ARHGEF1: variants seen among roughly 807,000 people sequenced by gnomAD.
The protein encoded by ARHGEF1 is 115 kDa guanine nucleotide exchange factor.
In ARHGEF1, 40 loss-of-function variants were observed where a neutral mutation model predicts 119.7. The observed-to-expected ratio is 0.33, with a 90% confidence interval of 0.26 to 0.44. The LOEUF (loss-of-function observed/expected upper bound fraction) is 0.44. Among genes scored for constraint, ARHGEF1 ranks in the 20% least tolerant of loss-of-function variants. ARHGEF1 has a pLI of 1.00. For missense variants in ARHGEF1, 976 were observed against 1,268.3 expected (o/e 0.77, Z 3.50); for synonymous variants, 494 against 521.0 (o/e 0.95, Z 0.71).
Position 41,892,952 on chromosome 19 carries a change from G to T in ARHGEF1, c.614+103G>T. The stretch of plus-strand genomic sequence containing the variant: ...CCCGTTTGCAGGTTCCCTCTTCAGG[G>T]TCAGAGTTCATTTCTTGGCACTGGG... On this transcript the variant is annotated intron_variant, in intron 7 of 28. Transcript: ENST00000354532. The surrounding 1 kb of genome is among the most constrained non-coding windows in gnomAD (Gnocchi z 6.3). 2.1e-6 allele frequency: 3 copies of T among 1,413,882 alleles called. No individual in the cohort carries two copies. The highest frequency in any genetic ancestry group is 2.8e-6 in the Non-Finnish European group (3 of 1,082,164). The allele number at this position is 1,413,882 out of a possible 1,614,324, so 87.6% of individuals were successfully genotyped here. A position where few individuals can be genotyped will look rare whatever the true frequency, so the allele number is the denominator to read the frequency against.
intron 14 of ARHGEF1, 23 bp downstream of exon 14, chr19:41,898,610 C>T (rs1555848482): frequency 1.3e-6 from 2 of 1,577,396 alleles, no homozygotes; most frequent in South Asian, 1.2e-5. Flanking sequence ...CCCATCACCC[C>T]ACTGTGGCCA....
Position 41,896,814 on chromosome 19 carries a change from CTCTCTCACCTCCCCCA to C in ARHGEF1, c.1121+335_1121+350del, listed in dbSNP as rs2074501673. On this transcript the variant is annotated intron_variant, in intron 13 of 28. Transcript: ENST00000354532. ...CCCCTCCTCTCTCACCTCCCCTCTC[CTCTCTCACCTCCCCCA>C]TCCTCTCTCACCTCCCCCCTCCTCT... 28 of 384,296 alleles carry C rather than the reference CTCTCTCACCTCCCCCA, an allele frequency of 7.3e-5. No individual in the cohort carries two copies. In the African/African-American group the frequency reaches 1.4e-3, roughly 20 times the overall value. The allele number at this position is 384,296 out of a possible 1,614,324, so 23.8% of individuals were successfully genotyped here. A position where few individuals can be genotyped will look rare whatever the true frequency, so the allele number is the denominator to read the frequency against.
chr19:41,907,390 C>T lies in ARHGEF1; in HGVS notation c.*303C>T. The stretch of plus-strand genomic sequence containing the variant: ...CCCCTCCACCCCCACCCCCAAGTGC[C>T]TTCGCTCTGTTTTTATACCCTGAAT... On this transcript the variant is annotated 3_prime_UTR_variant, in exon 29 of 29. Transcript: ENST00000354532. 3 of 1,535,262 alleles carry T rather than the reference C, an allele frequency of 2.0e-6. No homozygotes were observed. The highest frequency in any genetic ancestry group is 2.6e-6 in the Non-Finnish European group (3 of 1,146,612).
intron 9 of ARHGEF1, 63 bp downstream of exon 9, chr19:41,894,369 A>T (rs1479589860): frequency 7.9e-6 from 12 of 1,515,614 alleles, no homozygotes; most frequent in Non-Finnish European, 1.1e-5. Context: ...GAGCCTCATG[A>T]CTCTGGATAC....
rs2074620101 is a variant in ARHGEF1 at position 41,902,451 on chromosome 19, TG to T, written c.1498-79del. On this transcript the variant is annotated intron_variant, in intron 16 of 28. Coordinates refer to ENST00000354532, the MANE Select transcript of ARHGEF1 (RefSeq NM_004706.4). This position sits in a 1 kb window ranked among gnomAD's most constrained non-coding sequence, Gnocchi z 6.5. ...CCCACCCTACTCCAGTCCCAGGGTCTGGGCTTCCAGCCTGTCGTACTTTAGT... is the reference window on the plus strand; with the variant it reads ...CCCACCCTACTCCAGTCCCAGGGTCTGGCTTCCAGCCTGTCGTACTTTAGT... The T allele has an allele frequency of 1.2e-6, 2 of 1,611,408 alleles. No homozygotes were observed. Among genetic ancestry groups the T allele is most frequent in the Non-Finnish European group, 1.7e-6 (2 of 1,178,796 alleles).
chr19:41,927,948 G>A (rs373900357), intron 1 of ARHGEF1: 5 of 151,502 alleles, frequency 3.3e-5, no homozygotes, highest in African/African-American at 1.2e-4. Flanking sequence ...CAGCTTCTCA[G>A]GCCTCCCGGG....
rs202003051 is a variant in ARHGEF1 at position 41,892,324 on chromosome 19, T to C, written c.325-7T>C. 1.9e-6 allele frequency: 3 copies of C among 1,613,880 alleles called. No individual in the cohort carries two copies. Among genetic ancestry groups the C allele is most frequent in the Non-Finnish European group, 2.5e-6 (3 of 1,180,016 alleles). On this transcript the variant is annotated splice_polypyrimidine_tract_variant and splice_region_variant and intron_variant, in intron 5 of 28. Transcript: ENST00000354532. The surrounding 1 kb of genome is among the most constrained non-coding windows in gnomAD (Gnocchi z 6.3). ...CTCCTCTTCACCCCATTCTCTCTCT[T>C]GAGCAGGTTCTCCGGGTGCCGGTCC...
At chr19:41,885,543 C>T (rs1241143481) in intron 1 of ARHGEF1, among the ~76,000 whole-genome samples, 2 of 152,172 alleles carry the variant, frequency 1.3e-5, no homozygotes, top group African/African-American at 4.8e-5. Context: ...CTCACTGCAA[C>T]CTCCGCCTCC....
rs201485366 is a variant in ARHGEF1 at position 41,902,462 on chromosome 19, C to T, written c.1498-71C>T. On this transcript the variant is annotated intron_variant, in intron 16 of 28. Transcript: ENST00000354532. This position sits in a 1 kb window ranked among gnomAD's most constrained non-coding sequence, Gnocchi z 6.5. ...CCAGTCCCAGGGTCTGGGCTTCCAG[C>T]CTGTCGTACTTTAGTCCCTGTTCTT... 17 of 1,611,234 alleles carry T rather than the reference C, an allele frequency of 1.1e-5. No individual in the cohort carries two copies. The highest frequency in any genetic ancestry group is 1.4e-5 in the Non-Finnish European group (16 of 1,178,932).
In ARHGEF1 at chr19:41,906,003, C is replaced by A. The variant is rs782131330; in HGVS notation, c.2469C>A (p.Leu823=). 2 of 1,613,920 alleles carry A rather than the reference C, an allele frequency of 1.2e-6. No homozygotes were observed. Among genetic ancestry groups the A allele is most frequent in the Non-Finnish European group, 1.7e-6 (2 of 1,180,012 alleles). ...GCAGACCAGGCCCCGAGGGCCAGCT[C>A]GCTGCCACGGCCCTTCGGAAAGGTA... ...PFCRPGPEGQ[L]AATALRKVLS... The change falls in exon 26 of 29, where the codon CTC becomes CTA. Residue 823 remains leucine, a synonymous_variant. Coordinates refer to ENST00000354532, the MANE Select transcript of ARHGEF1 (RefSeq NM_004706.4). This position sits in a 1 kb window ranked among gnomAD's most constrained non-coding sequence, Gnocchi z 4.5.
chr19:41,893,057 C>A, intron 7 of ARHGEF1: 1 of 1,039,414 alleles, frequency 9.6e-7, no homozygotes, highest in Non-Finnish European at 1.4e-6. Context: ...CTTGTCATTT[C>A]TGGGTCTTGT....
chr19:41,883,290 G>C lies in ARHGEF1; in HGVS notation c.-20+1G>C, dbSNP rs1555844704. On this transcript the variant is annotated splice_donor_variant, in intron 1 of 28. Transcript: ENST00000354532. LOFTEE classifies it low-confidence loss of function (5UTR_SPLICE). This position sits in a 1 kb window ranked among gnomAD's most constrained non-coding sequence, Gnocchi z 7.6. ...CCGGTCACCTCCGCGCGGACACCAG[G>C]TACTCGGTCCCCGGCCCCGCCCGGC... 2 of 181,210 alleles carry C rather than the reference G, an allele frequency of 1.1e-5. No individual in the cohort carries two copies. The highest frequency in any genetic ancestry group is 2.5e-5 in the Non-Finnish European group (2 of 80,774). The allele number at this position is 181,210 out of a possible 1,614,324, so 11.2% of individuals were successfully genotyped here. A position where few individuals can be genotyped will look rare whatever the true frequency, so the allele number is the denominator to read the frequency against.
downstream of ARHGEF1, among the ~76,000 whole-genome samples, chr19:41,910,550 G>A (rs2074746087): frequency 6.6e-6 from 1 of 152,044 alleles, no homozygotes; most frequent in African/African-American, 2.4e-5. The surrounding 1 kb of genome is among the most constrained non-coding windows in gnomAD (Gnocchi z 4.4). Context: ...CCTGTCCCCT[G>A]CTCCACCTTT....
At chr19:41,921,134 G>A (rs2074839737), upstream of ARHGEF1, among the ~76,000 whole-genome samples, 1 of 151,966 alleles carries the variant, frequency 6.6e-6, no homozygotes, top group Non-Finnish European at 1.5e-5. This position sits in a 1 kb window ranked among gnomAD's most constrained non-coding sequence, Gnocchi z 4.4. Context: ...GAGGGGAGAG[G>A]GAGGGTGGAG....
At chr19:41,923,564 GGAGACA>G (rs1405789688) in intron 1 of ARHGEF1, among the ~76,000 whole-genome samples, 1 of 146,902 alleles carries the variant, frequency 6.8e-6, no homozygotes, top group African/African-American at 2.6e-5. Context: ...ACAGGGACAA[GGAGACA>G]GGGGCAGGTG....
chr19:41,925,740 T>C (rs531746893), intron 1 of ARHGEF1, among the ~76,000 whole-genome samples: 83 of 152,236 alleles, frequency 5.5e-4, no homozygotes, highest in South Asian at 1.2e-3. Context: ...GAAGTCAGTG[T>C]ACCTTGGAAG....
At chr19:41,914,059 T>G in intron 18 of ARHGEF1, among the ~76,000 whole-genome samples, 1 of 87,370 alleles carries the variant, frequency 1.1e-5, no homozygotes, top group Non-Finnish European at 2.1e-5. Context: ...CCACACTGTG[T>G]TCCCCCGTGA....
Position 41,902,372 on chromosome 19 carries a change from C to T in ARHGEF1, c.1497+16C>T, listed in dbSNP as rs782434969. 4.5e-5 allele frequency: 72 copies of T among 1,613,818 alleles called. No individual in the cohort carries two copies. Among genetic ancestry groups the T allele is most frequent in the Non-Finnish European group, 1.3e-5 (15 of 1,179,954 alleles). ...GCTGGCCCGGGTGAGATGCCCAGCC[C>T]TCCCGCTCCTCCCAGCTAGACACAT... On this transcript the variant is annotated intron_variant, in intron 16 of 28. Coordinates refer to ENST00000354532, the MANE Select transcript of ARHGEF1 (RefSeq NM_004706.4). The surrounding 1 kb of genome is among the most constrained non-coding windows in gnomAD (Gnocchi z 6.5).
Position 41,894,467 on chromosome 19 carries a change from G to C in ARHGEF1, c.761G>C (p.Arg254Pro). ...FFRKKVMGNRRSDEPAKTKKG... is the reference protein window; with the variant it reads ...FFRKKVMGNRPSDEPAKTKKG... Reference sequence around the variant, plus strand: ...CTCTCACAGGTGATGGGGAACCGGCGGTCGGACGAGCCTGCCAAGACCAAG... The same window carrying C: ...CTCTCACAGGTGATGGGGAACCGGCCGTCGGACGAGCCTGCCAAGACCAAG... The change falls in exon 10 of 29, where the codon CGG becomes CCG. Residue 254 changes from arginine to proline, a missense_variant. This residue lies in a region of ARHGEF1 where 519 missense variants were observed against 580.9 expected (regional missense o/e 0.89). Transcript: ENST00000354532. 6.4e-7 allele frequency: 1 copy of C among 1,565,100 alleles called. No individual in the cohort carries two copies. Among genetic ancestry groups the C allele is most frequent in the Non-Finnish European group, 8.7e-7 (1 of 1,153,244 alleles).
Sources: gnomAD v4.1 joint callset for allele counts (sites outside exome capture counted in the v4.1 genomes callset) on GRCh38, gnomAD v4.1.1 for gene constraint, gnomAD v4.1.1 regional missense constraint, Gnocchi (gnomAD v3.1) non-coding constraint, MANE v1.5 for transcripts, NCBI Gene and HGNC (gene_info 2026-07-23, HGNC 2026-07-21) for gene names.